ZNF746: variants seen among roughly 807,000 people sequenced by gnomAD.
ZNF746 encodes the protein parkin-interacting substrate.
Under a neutral mutation model 41.0 loss-of-function variants are expected in ZNF746, and 13 were observed. The ratio of observed to expected loss-of-function variants is 0.32; its 90% CI spans 0.21 to 0.50. The LOEUF is 0.50. Among genes scored for constraint, ZNF746 ranks in the 20% least tolerant of loss-of-function variants. The pLI is 0.98. For missense variants in ZNF746, 811 were observed against 922.9 expected, an observed-to-expected ratio of 0.88 and a Z score of 1.57; for synonymous variants, 424 against 396.2, an observed-to-expected ratio of 1.07 and a Z score of -0.83.
In ZNF746 at chr7:149,477,730, TG is replaced by T. The variant is rs1800353938; in HGVS notation, c.590del (p.Pro197GlnfsTer4). On this transcript the variant is annotated frameshift_variant, in exon 5 of 7. Coordinates refer to ENST00000458143, the MANE Select transcript of ZNF746 (RefSeq NM_001394198.1). LOFTEE classifies it high-confidence loss of function. ...SPGSGPPVPA[P>X]DLLMQIKQEG... ...CCTGCTTGATCTGCATCAAGAGGTCTGGGGCGGGAACTGGGGGCCCCGAGCC... is the reference window on the plus strand; with the variant it reads ...CCTGCTTGATCTGCATCAAGAGGTCTGGGCGGGAACTGGGGGCCCCGAGCC... 1.2e-6 allele frequency: 2 copies of T among 1,609,404 alleles called. No individual in the cohort carries two copies.
intron 6 of ZNF746, among the ~76,000 whole-genome samples, chr7:149,475,774 AG>A (rs1334867808): frequency 2.6e-5 from 4 of 152,224 alleles, no homozygotes; most frequent in African/African-American, 9.6e-5. Flanking sequence ...ATCCTCAGAA[AG>A]GAATTCGAAC....
intron 4 of ZNF746, among the ~76,000 whole-genome samples, chr7:149,479,052 C>A (rs1800406585): frequency 6.6e-6 from 1 of 152,170 alleles, no homozygotes; most frequent in African/African-American, 2.4e-5. Context: ...GAAATTCCAA[C>A]ACATGCTGGT....
chr7:149,474,021 G>C lies in ZNF746; in HGVS notation c.*363C>G, dbSNP rs1319441354. 1 of 321,316 alleles carries C rather than the reference G, an allele frequency of 3.1e-6. No homozygotes were observed. The highest frequency in any genetic ancestry group is 6.0e-6 in the Non-Finnish European group (1 of 166,818). The allele number at this position is 321,316 out of a possible 1,614,324, so 19.9% of individuals were successfully genotyped here. A position where few individuals can be genotyped will look rare whatever the true frequency, so the allele number is the denominator to read the frequency against. ...TCCAACACACTATCAGACTCAGTGA[G>C]ATAGTGACAGAAATGCACGCCCTGA... On this transcript the variant is annotated 3_prime_UTR_variant, in exon 7 of 7. Transcript: ENST00000458143. The surrounding 1 kb of genome is among the most constrained non-coding windows in gnomAD (Gnocchi z 6.3).
At position 149,474,389 on chromosome 7, in the gene ZNF746, T is replaced by C. The variant is rs1800208193; in HGVS notation, c.1978A>G (p.Met660Val). The C allele has an allele frequency of 6.2e-7, 1 of 1,604,576 alleles. No homozygotes were observed. The highest frequency in any genetic ancestry group is 8.5e-7 in the Non-Finnish European group (1 of 1,176,034). Residue 660 changes from methionine (M) to valine (V), a missense_variant, in exon 7 of 7, where the codon ATG (methionine) becomes GTG (valine). Physicochemically the swap from Met to Val is conservative, Grantham distance 21. Around this residue, in one of 4 missense-constraint regions of ZNF746, gnomAD observed 99 missense variants for 80.3 expected, o/e 1.23. Coordinates refer to ENST00000458143, the MANE Select transcript of ZNF746 (RefSeq NM_001394198.1). This position sits in a 1 kb window ranked among gnomAD's most constrained non-coding sequence, Gnocchi z 6.3. ...GGCTATGGGGCTGGAGGCGCTCACA[T>C]GTCCCCGCCATCGGTGGGTCCCAGG... ...SVLGPTDGGDM is the reference protein window; with the variant it reads ...SVLGPTDGGDV
rs1800174439 is a variant in ZNF746 at position 149,473,610 on chromosome 7, G to C, written c.*774C>G. ...CTGCTGAGAGCTAGACGTTTGTGGT[G>C]CAGCTCCCCAGTTTCAGCTTCTCCA... On this transcript the variant is annotated 3_prime_UTR_variant, in exon 7 of 7. Coordinates refer to ENST00000458143, the MANE Select transcript of ZNF746 (RefSeq NM_001394198.1). 6.6e-6 allele frequency: 1 copy of C among 152,374 alleles called. No individual in the cohort carries two copies. Among genetic ancestry groups the C allele is most frequent in the South Asian group, 2.1e-4 (1 of 4,830 alleles). The allele number at this position is 152,374 out of a possible 1,614,324, so 9.4% of individuals were successfully genotyped here. A position where few individuals can be genotyped will look rare whatever the true frequency, so the allele number is the denominator to read the frequency against.
chr7:149,476,817 TG>T, intron 6 of ZNF746, 104 bp downstream of exon 6: 1 of 1,512,782 alleles, frequency 6.6e-7, no homozygotes, highest in Admixed American at 1.7e-5. Flanking sequence ...TAATGTCTGT[TG>T]GCTGGAAGGT....
In ZNF746 at chr7:149,486,611, GA is replaced by G. The variant is rs893307323; in HGVS notation, c.565+6247del. Among the ~76,000 whole-genome samples, 451 of 152,274 alleles carry G rather than the reference GA, an allele frequency of 3.0e-3. 6 individuals carry two copies. Among genetic ancestry groups the G allele is most frequent in the African/African-American group, 0.01 (418 of 41,562 alleles). ...CAAATGAGAAAAGCAGGTTAAGGAA[GA>G]ACATATGTGGTATGATTCCATTTAC... On this transcript the variant is annotated intron_variant, in intron 4 of 6. Transcript: ENST00000458143.
chr7:149,492,805 T>C (rs568910895), intron 4 of ZNF746, 54 bp downstream of exon 4: 1 of 1,298,014 alleles, frequency 7.7e-7, no homozygotes, highest in African/African-American at 1.5e-5. Flanking sequence ...GGCCTTTCCG[T>C]CTCTGTTTCC....
At chr7:149,490,245 A>C (rs1439316708) in intron 4 of ZNF746, 1 of 152,324 alleles carries the variant, frequency 6.6e-6, no homozygotes, top group East Asian at 1.9e-4. Context: ...CCATACAGAA[A>C]CAGATGAGCT....
intron 4 of ZNF746, among the ~76,000 whole-genome samples, chr7:149,483,339 G>A (rs1280324613): frequency 3.3e-5 from 5 of 152,116 alleles, no homozygotes; most frequent in Admixed American, 6.5e-5. Flanking sequence ...GGGGCTGGGC[G>A]CAGTGGCTCA....
intron 4 of ZNF746, among the ~76,000 whole-genome samples, chr7:149,483,801 CTG>C (rs1240941102): frequency 6.6e-6 from 1 of 152,082 alleles, no homozygotes; most frequent in African/African-American, 2.4e-5. Context: ...TTTGAAGAGA[CTG>C]TTAAACCAAT....
chr7:149,475,514 T>TG lies in ZNF746; in HGVS notation c.884-32dup, dbSNP rs1187206686. The TG allele has an allele frequency of 2.5e-6, 4 of 1,583,350 alleles. No homozygotes were observed. In the South Asian group the frequency reaches 4.6e-5, roughly 18 times the overall value. On this transcript the variant is annotated intron_variant, in intron 6 of 6. Transcript: ENST00000458143. ...AAAGACAGAAAGACAGATACTGACC[T>TG]GTCCCTTAACTGCTGAGCGAGCCAC...
chr7:149,476,475 AAAACAGAAGT>A (rs1800307387), intron 6 of ZNF746, among the ~76,000 whole-genome samples: 1 of 152,178 alleles, frequency 6.6e-6, no homozygotes, highest in East Asian at 1.9e-4. Context: ...ACTGGTCTTC[AAAACAGAAGT>A]AAACAGAAAG....
Position 149,473,170 on chromosome 7 carries a change from A to C in ZNF746, c.*1214T>G, listed in dbSNP as rs1377000418. On this transcript the variant is annotated 3_prime_UTR_variant, in exon 7 of 7. Transcript: ENST00000458143. ...CGAGCTGTGCCCTCTGAGAGTGCAC[A>C]CATTAAGGAGGCTGGGGCACAGGGG... is the stretch of plus-strand genomic sequence containing the variant. The C allele has an allele frequency of 6.6e-6, 1 of 152,052 alleles. No homozygotes were observed. The highest frequency in any genetic ancestry group is 2.4e-5 in the African/African-American group (1 of 41,408). 9.4% of individuals were successfully genotyped at this position (152,052 alleles called of 1,614,324 possible).
chr7:149,487,924 T>C (rs1259706652), intron 4 of ZNF746: 1 of 152,050 alleles, frequency 6.6e-6, no homozygotes, highest in Non-Finnish European at 1.5e-5. Flanking sequence ...AAAATTCATA[T>C]AAAAGAACAA....
intron 4 of ZNF746, among the ~76,000 whole-genome samples, chr7:149,485,771 G>T (rs1379433732): frequency 6.6e-6 from 1 of 152,314 alleles, no homozygotes; most frequent in South Asian, 2.1e-4. Flanking sequence ...CAGGCACAGT[G>T]GTTCACGCCT....
chr7:149,482,300 G>A (rs926667580), intron 4 of ZNF746, among the ~76,000 whole-genome samples: 1 of 152,108 alleles, frequency 6.6e-6, no homozygotes, highest in African/African-American at 2.4e-5. Flanking sequence ...GAAGGACGCA[G>A]AAAGCAATGT....
At position 149,494,439 on chromosome 7, in the gene ZNF746, G is replaced by C; in HGVS notation, c.89C>G (p.Ala30Gly). ...AMERKIESQA[A>G]RLLSLEGRTG... is the part of the protein sequence containing the mutation. ...TCGACCTTCTAGGGAAAGCAGGCGAGCAGCCTGCGATTCAATCTTCCTCTC... is the reference window on the plus strand; with the variant it reads ...TCGACCTTCTAGGGAAAGCAGGCGACCAGCCTGCGATTCAATCTTCCTCTC... Residue 30 changes from alanine (A) to glycine (G), a missense_variant, in exon 2 of 7, where the codon GCT becomes GGT. Around this residue, in one of 4 missense-constraint regions of ZNF746, gnomAD observed 147 missense variants for 233.4 expected, o/e 0.63. Transcript: ENST00000458143. The surrounding 1 kb of genome is among the most constrained non-coding windows in gnomAD (Gnocchi z 5.6). 1 of 1,614,008 alleles carries C rather than the reference G, an allele frequency of 6.2e-7. No individual in the cohort carries two copies. The highest frequency in any genetic ancestry group is 8.5e-7 in the Non-Finnish European group (1 of 1,179,886).
chr7:149,477,486 C>T, intron 5 of ZNF746, 78 bp downstream of exon 5: 4 of 1,475,258 alleles, frequency 2.7e-6, no homozygotes, highest in Middle Eastern at 1.8e-4. Context: ...ACAGCTCCCC[C>T]ATGCTGCCAC....
Sources: allele counts gnomAD v4.1 joint callset (sites outside exome capture counted in the v4.1 genomes callset), GRCh38; gene constraint gnomAD v4.1.1; regional missense constraint gnomAD v4.1.1; non-coding constraint Gnocchi (gnomAD v3.1); transcripts MANE v1.5; gene names NCBI Gene and HGNC (gene_info 2026-07-23, HGNC 2026-07-21).